Variants in FHIT observed in about 807,000 individuals in gnomAD.
FHIT encodes fragile histidine triad diadenosine triphosphatase, also known as bis(5'-adenosyl)-triphosphatase.
A neutral mutation model predicts 17.9 loss-of-function variants in FHIT; 19 were observed. The ratio of observed to expected loss-of-function variants is 1.06; its 90% CI spans 0.74 to 1.56. The LOEUF is 1.56. FHIT is among the 40% of genes most tolerant of loss of function. FHIT has a pLI of 0.00. For missense variants in FHIT, 248 were observed against 189.2 expected (o/e 1.31, Z -1.82); for synonymous variants, 81 against 69.7 (o/e 1.16, Z -0.81).
chr3:59,755,886 G>C (rs1401990883), intron 8 of FHIT, among the ~76,000 whole-genome samples: 6 of 151,720 alleles, frequency 4.0e-5, no homozygotes, highest in Non-Finnish European at 8.8e-5. Context: ...ATCCAAAAAT[G>C]GCTCTCCAAG....
intron 7 of FHIT, among the ~76,000 whole-genome samples, chr3:59,933,725 C>T (rs972523373): frequency 6.6e-6 from 1 of 152,192 alleles, no homozygotes; most frequent in Non-Finnish European, 1.5e-5. Context: ...ACAGCATCTT[C>T]TTTCACTCTC....
chr3:60,564,686 G>A (rs558199332), intron 4 of FHIT, among the ~76,000 whole-genome samples: 1 of 152,142 alleles, frequency 6.6e-6, no homozygotes, highest in African/African-American at 2.4e-5. Context: ...GCCTGAAGAC[G>A]TGACTGTATT....
intron 8 of FHIT, among the ~76,000 whole-genome samples, chr3:59,876,979 C>T (rs905682224): frequency 6.6e-6 from 1 of 152,158 alleles, no homozygotes; most frequent in Non-Finnish European, 1.5e-5. Flanking sequence ...AAAAGAGACA[C>T]ATAAGAAGAA....
At chr3:59,787,481 AACACACACACACACACACAC>A (rs58100812) in intron 8 of FHIT, among the ~76,000 whole-genome samples, 8 of 142,400 alleles carry the variant, frequency 5.6e-5, no homozygotes, top group African/African-American at 1.6e-4. Context: ...CAAGGGGCAA[AACACACACACACACACACAC>A]ACACACACAC....
At chr3:60,870,915 A>G (rs1334529162) in intron 3 of FHIT, among the ~76,000 whole-genome samples, 2 of 152,132 alleles carry the variant, frequency 1.3e-5, no homozygotes, top group Non-Finnish European at 2.9e-5. Flanking sequence ...CACTTAGCCT[A>G]TTCTCCTGGT....
Position 60,792,061 on chromosome 3 carries a change from G to C in FHIT, c.-18+29858C>G, listed in dbSNP as rs547083248. Among the ~76,000 whole-genome samples the C allele has an allele frequency of 4.9e-4, 74 of 152,320 alleles. 1 individual carries two copies. The highest frequency in any genetic ancestry group is 1.8e-3 in the African/African-American group (73 of 41,570). On this transcript the variant is annotated intron_variant, in intron 4 of 9. Coordinates refer to ENST00000492590, the MANE Select transcript of FHIT (RefSeq NM_002012.4). ...TTTCAGACAAAGGCACAGTGGTCCAGAGGATCTGGCAACCTCTTTCAGGGG... is the reference window on the plus strand; with the variant it reads ...TTTCAGACAAAGGCACAGTGGTCCACAGGATCTGGCAACCTCTTTCAGGGG...
chr3:60,614,527 C>G (rs1442502150), intron 4 of FHIT, among the ~76,000 whole-genome samples: 1 of 152,014 alleles, frequency 6.6e-6, no homozygotes, highest in African/African-American at 2.4e-5. Context: ...TTGCTTGAAC[C>G]CGGGAGGCAG....
chr3:60,274,393 T>C (rs1211517449), intron 5 of FHIT, among the ~76,000 whole-genome samples: 1 of 152,160 alleles, frequency 6.6e-6, no homozygotes, highest in Non-Finnish European at 1.5e-5. Flanking sequence ...CAATAAATAT[T>C]TGAAGAACGA....
intron 5 of FHIT, among the ~76,000 whole-genome samples, chr3:60,078,788 T>C (rs1378787751): frequency 6.6e-6 from 1 of 152,128 alleles, no homozygotes; most frequent in Non-Finnish European, 1.5e-5. Context: ...ACATATATGG[T>C]ACACACACTC....
At chr3:60,805,650 G>C (rs1180597080) in intron 4 of FHIT, among the ~76,000 whole-genome samples, 3 of 152,062 alleles carry the variant, frequency 2.0e-5, no homozygotes, top group Non-Finnish European at 4.4e-5. Context: ...CCGCCTCCTG[G>C]GTTCGTGCCA....
chr3:60,535,084 T>TGTG (rs750473988), intron 5 of FHIT, among the ~76,000 whole-genome samples: 2 of 152,076 alleles, frequency 1.3e-5, no homozygotes, highest in Non-Finnish European at 2.9e-5. Context: ...ATTAGCTCAG[T>TGTG]GTGGTAGTGC....
At chr3:60,631,151 G>A (rs528514515) in intron 4 of FHIT, among the ~76,000 whole-genome samples, 2 of 152,120 alleles carry the variant, frequency 1.3e-5, no homozygotes, top group Admixed American at 6.5e-5. Flanking sequence ...ATTCTTGGTG[G>A]GGAGCTTGAG....
chr3:60,128,183 T>A (rs1401135133), intron 5 of FHIT, among the ~76,000 whole-genome samples: 1 of 152,220 alleles, frequency 6.6e-6, no homozygotes, highest in Non-Finnish European at 1.5e-5. Context: ...TGATATGGTT[T>A]GGCTGTGTTC....
intron 4 of FHIT, among the ~76,000 whole-genome samples, chr3:60,793,889 G>A (rs57729745): frequency 5.9e-5 from 9 of 152,150 alleles, no homozygotes; most frequent in African/African-American, 1.7e-4. Flanking sequence ...GACCATTGCC[G>A]AAGCAGCCAT....
intron 4 of FHIT, among the ~76,000 whole-genome samples, chr3:60,679,898 C>A (rs528469495): frequency 9.2e-5 from 14 of 152,082 alleles, no homozygotes; most frequent in Non-Finnish European, 2.1e-4. Context: ...CATCTTTACT[C>A]AACATATATT....
intron 3 of FHIT, among the ~76,000 whole-genome samples, chr3:60,992,076 A>G (rs150599123): frequency 9.0e-4 from 137 of 152,374 alleles, no homozygotes; most frequent in African/African-American, 3.2e-3. Context: ...TCTTGATATC[A>G]TGGATGCAAC....
chr3:60,222,181 C>A (rs527796588), intron 5 of FHIT, among the ~76,000 whole-genome samples: 1 of 152,148 alleles, frequency 6.6e-6, no homozygotes, highest in Admixed American at 6.5e-5. Context: ...TCTAACAACA[C>A]AGGAAATCAT....
intron 3 of FHIT, among the ~76,000 whole-genome samples, chr3:60,922,790 T>C (rs1016273357): frequency 6.6e-6 from 1 of 152,162 alleles, no homozygotes; most frequent in African/African-American, 2.4e-5. Context: ...CTGTCTGCCA[T>C]CTACTACCAC....
chr3:61,059,991 T>A (rs970404924), intron 2 of FHIT, among the ~76,000 whole-genome samples: 1 of 149,980 alleles, frequency 6.7e-6, no homozygotes, highest in African/African-American at 2.4e-5. Context: ...TGAGTATGAG[T>A]GTGTGTGTGT....
Sources: allele counts gnomAD v4.1 joint callset (sites outside exome capture counted in the v4.1 genomes callset), GRCh38; gene constraint gnomAD v4.1.1; transcripts MANE v1.5; gene names NCBI Gene and HGNC (gene_info 2026-07-23, HGNC 2026-07-21).